The following LCLAT1 variants were observed in gnomAD, a reference collection of about 807,000 sequenced individuals.
LCLAT1 encodes lysocardiolipin acyltransferase 1.
A neutral mutation model predicts 30.7 loss-of-function variants in LCLAT1; 11 were observed. That is an observed-to-expected ratio of 0.36 (90% CI 0.23 to 0.59). The LOEUF (loss-of-function observed/expected upper bound fraction) is 0.59. Ranked by LOEUF, LCLAT1 falls within the 20% of genes least tolerant of loss-of-function variation. The pLI, the probability that LCLAT1 is intolerant of heterozygous loss-of-function variation, is 0.77. For synonymous variants in LCLAT1, 155 were observed against 151.3 expected (o/e 1.02, Z -0.18); for missense variants, 402 against 458.6 (o/e 0.88, Z 1.13).
At chr2:30,465,226 C>G (rs1346308966) in intron 1 of LCLAT1, among the ~76,000 whole-genome samples, 1 of 152,084 alleles carries the variant, frequency 6.6e-6, no homozygotes. Context: ...CAAAGTGAGG[C>G]AGAGGGAGAT....
At chr2:30,577,783 T>C (rs34172150) in intron 5 of LCLAT1, among the ~76,000 whole-genome samples, 1 of 152,064 alleles carries the variant, frequency 6.6e-6, no homozygotes, top group Non-Finnish European at 1.5e-5. Context: ...TTCATATTTG[T>C]GCTATTCTTC....
chr2:30,493,112 G>A (rs1255689078), intron 1 of LCLAT1, among the ~76,000 whole-genome samples: 1 of 152,180 alleles, frequency 6.6e-6, no homozygotes, highest in Admixed American at 6.5e-5. Context: ...GACAGTTGCA[G>A]TAATGTCAGG....
intron 1 of LCLAT1, among the ~76,000 whole-genome samples, chr2:30,469,578 T>C (rs1237837118): frequency 5.5e-4 from 74 of 133,690 alleles, no homozygotes; most frequent in African/African-American, 1.9e-3. Context: ...TCTCTTCTTT[T>C]TTTTTTTTTT....
chr2:30,559,270 A>G (rs1026059406), intron 3 of LCLAT1, among the ~76,000 whole-genome samples: 12 of 152,288 alleles, frequency 7.9e-5, no homozygotes, highest in African/African-American at 2.9e-4. Flanking sequence ...AGCCAGGCAT[A>G]TATGTATATG....
intron 5 of LCLAT1, among the ~76,000 whole-genome samples, chr2:30,623,338 GCCA>G (rs750129791): frequency 6.6e-6 from 1 of 152,134 alleles, no homozygotes; most frequent in Non-Finnish European, 1.5e-5. Flanking sequence ...ACGGGCATGA[GCCA>G]CCACACCTGG....
intron 3 of LCLAT1, among the ~76,000 whole-genome samples, chr2:30,538,009 TA>T (rs958563656): frequency 1.3e-4 from 20 of 148,186 alleles, no homozygotes; most frequent in African/African-American, 2.7e-4. Flanking sequence ...AAGAAGGAAA[TA>T]AAAAAAAAAT....
chr2:30,534,795 C>T (rs2167970), intron 3 of LCLAT1, among the ~76,000 whole-genome samples: 19,163 of 152,050 alleles, frequency 0.13, 1,339 homozygotes, highest in South Asian at 0.23. Context: ...CAGTTACCAT[C>T]CTCAAAGATT....
intron 2 of LCLAT1, among the ~76,000 whole-genome samples, chr2:30,526,193 T>C (rs916941226): frequency 1.1e-4 from 16 of 152,148 alleles, no homozygotes; most frequent in Non-Finnish European, 2.1e-4. Context: ...ACTGTTATTT[T>C]TTTCACATTT....
intron 3 of LCLAT1, among the ~76,000 whole-genome samples, chr2:30,533,847 C>T (rs1048444298): frequency 1.3e-5 from 2 of 151,970 alleles, no homozygotes; most frequent in African/African-American, 4.8e-5. Context: ...TTTTAAATGG[C>T]TAGGAATACA....
chr2:30,588,317 G>C (rs955872611), intron 5 of LCLAT1, among the ~76,000 whole-genome samples: 1 of 152,172 alleles, frequency 6.6e-6, no homozygotes, highest in Non-Finnish European at 1.5e-5. Context: ...CCATATCCTT[G>C]GGGATAAACA....
intron 5 of LCLAT1, among the ~76,000 whole-genome samples, chr2:30,570,260 T>C (rs1000185197): frequency 6.6e-6 from 1 of 152,108 alleles, no homozygotes; most frequent in Non-Finnish European, 1.5e-5. Context: ...CCCTCCTGTA[T>C]CAGTAAAAAG....
chr2:30,523,634 C>T (rs1174131869), intron 1 of LCLAT1, among the ~76,000 whole-genome samples: 1 of 152,200 alleles, frequency 6.6e-6, no homozygotes, highest in African/African-American at 2.4e-5. Flanking sequence ...TTTTGGGAGG[C>T]TGAGGCGAGC....
chr2:30,608,031 A>G (rs909777689), intron 5 of LCLAT1, among the ~76,000 whole-genome samples: 1 of 152,026 alleles, frequency 6.6e-6, no homozygotes, highest in African/African-American at 2.4e-5. Context: ...AAAAGAGTCA[A>G]GTTTTAAACA....
At chr2:30,500,863 A>G (rs1304618182) in intron 1 of LCLAT1, among the ~76,000 whole-genome samples, 2 of 152,172 alleles carry the variant, frequency 1.3e-5, no homozygotes, top group African/African-American at 4.8e-5. Context: ...TGAGACAGTT[A>G]CTGTTGTCTT....
At chr2:30,625,831 CGATAAGTGACCACTAACT>C (rs796363186) in intron 5 of LCLAT1, among the ~76,000 whole-genome samples, 9 of 152,236 alleles carry the variant, frequency 5.9e-5, no homozygotes, top group African/African-American at 2.2e-4. Flanking sequence ...TAGAGTCATA[CGATAAGTGACCACTAACT>C]GATCTTCAAC....
intron 3 of LCLAT1, among the ~76,000 whole-genome samples, chr2:30,536,633 A>G (rs1342829524): frequency 2.0e-5 from 3 of 152,236 alleles, no homozygotes; most frequent in Admixed American, 1.3e-4. Context: ...ATGATTAATT[A>G]CTTCTGCATC....
intron 1 of LCLAT1, among the ~76,000 whole-genome samples, chr2:30,487,971 T>A (rs1164048611): frequency 1.3e-5 from 2 of 152,226 alleles, no homozygotes; most frequent in African/African-American, 4.8e-5. Context: ...TTGTGGTGAT[T>A]ACTGCATTCC....
At chr2:30,553,537 C>T (rs970032664) in intron 3 of LCLAT1, among the ~76,000 whole-genome samples, 8 of 152,196 alleles carry the variant, frequency 5.3e-5, no homozygotes, top group East Asian at 1.9e-4. Flanking sequence ...GACAAATTGC[C>T]GGGCGCGGTG....
At chr2:30,634,383 T>G (rs79319224) in intron 5 of LCLAT1, among the ~76,000 whole-genome samples, 1 of 152,110 alleles carries the variant, frequency 6.6e-6, no homozygotes, top group Admixed American at 6.6e-5. Context: ...CCCAACACTT[T>G]GGGAGGCCGA....
Sources: gnomAD v4.1 joint callset for allele counts (sites outside exome capture counted in the v4.1 genomes callset) on GRCh38, gnomAD v4.1.1 for gene constraint, MANE v1.5 for transcripts, NCBI Gene and HGNC (gene_info 2026-07-23, HGNC 2026-07-21) for gene names.